Variants in SIPA1L2 observed in about 807,000 individuals in gnomAD.
The protein encoded by SIPA1L2 is signal induced proliferation associated 1 like 2.
In SIPA1L2, 56 loss-of-function variants were observed where a neutral mutation model predicts 163.9. That is an observed-to-expected ratio of 0.34 (90% CI 0.28 to 0.43). SIPA1L2 has a LOEUF of 0.43. Among genes scored for constraint, SIPA1L2 ranks in the 20% least tolerant of loss-of-function variants. The probability of loss-of-function intolerance (pLI) is 1.00; values close to 1 mark genes in which losing one functional copy is unlikely to be tolerated. For synonymous variants in SIPA1L2, 877 were observed against 865.7 expected, an observed-to-expected ratio of 1.01 and a Z score of -0.23; for missense variants, 1,974 against 2,193.5, an observed-to-expected ratio of 0.90 and a Z score of 2.00.
At chr1:232,482,343 A>G (rs971968126) in intron 6 of SIPA1L2, among the ~76,000 whole-genome samples, 1 of 152,194 alleles carries the variant, frequency 6.6e-6, no homozygotes, top group Non-Finnish European at 1.5e-5. Context: ...CACAGTAATA[A>G]GAGTTCACAT....
chr1:232,422,522 T>G (rs566622439), intron 18 of SIPA1L2, among the ~76,000 whole-genome samples: 2 of 152,328 alleles, frequency 1.3e-5, no homozygotes, highest in African/African-American at 4.8e-5. Flanking sequence ...TACTGGTGCT[T>G]TGCCCTGCTA....
chr1:232,623,325 A>G (rs6424240), intron 1 of SIPA1L2, among the ~76,000 whole-genome samples: 101,654 of 151,574 alleles, frequency 0.67, 34,615 homozygotes, highest in East Asian at 0.89. Context: ...CTGAGTTCAG[A>G]ACAGGCACAG....
chr1:232,409,942 A>T (rs1395744631), intron 19 of SIPA1L2, among the ~76,000 whole-genome samples: 3 of 152,078 alleles, frequency 2.0e-5, no homozygotes, highest in African/African-American at 7.2e-5. Context: ...ACTTATAAAA[A>T]TATATTTCAA....
chr1:232,479,321 G>A (rs773603860), intron 7 of SIPA1L2, among the ~76,000 whole-genome samples: 8 of 152,138 alleles, frequency 5.3e-5, no homozygotes, highest in Admixed American at 2.6e-4. Flanking sequence ...CCGAAGTCAG[G>A]TCAACACGGT....
intron 10 of SIPA1L2, among the ~76,000 whole-genome samples, chr1:232,456,182 C>A (rs1164994238): frequency 6.6e-6 from 1 of 152,094 alleles, no homozygotes; most frequent in South Asian, 2.1e-4. Context: ...AAAAAGAAGG[C>A]TCACTTGAGT....
At chr1:232,583,987 T>C (rs1402873821) in intron 1 of SIPA1L2, among the ~76,000 whole-genome samples, 1 of 152,180 alleles carries the variant, frequency 6.6e-6, no homozygotes, top group African/African-American at 2.4e-5. Flanking sequence ...TGCCCAAAGC[T>C]AGCTATAAAA....
At chr1:232,599,379 C>T (rs1173302435) in intron 1 of SIPA1L2, among the ~76,000 whole-genome samples, 1 of 152,264 alleles carries the variant, frequency 6.6e-6, no homozygotes, top group Non-Finnish European at 1.5e-5. Context: ...CTCAGCAAGG[C>T]ATCCAGGACA....
intron 10 of SIPA1L2, among the ~76,000 whole-genome samples, chr1:232,459,363 G>C (rs868323729): frequency 5.9e-5 from 9 of 152,258 alleles, no homozygotes; most frequent in African/African-American, 1.7e-4. Flanking sequence ...GAGAGTGCTG[G>C]CTTAAAGGAG....
intron 2 of SIPA1L2, among the ~76,000 whole-genome samples, chr1:232,538,700 A>G (rs1657460356): frequency 7.0e-6 from 1 of 143,434 alleles, no homozygotes; most frequent in Non-Finnish European, 1.5e-5. Context: ...CTCCCCCACT[A>G]TACACACATG....
chr1:232,554,336 A>C (rs1658574106), intron 2 of SIPA1L2, among the ~76,000 whole-genome samples: 1 of 152,222 alleles, frequency 6.6e-6, no homozygotes, highest in Admixed American at 6.5e-5. Context: ...GACACAATAC[A>C]AAGAAGAAGG....
intron 1 of SIPA1L2, among the ~76,000 whole-genome samples, chr1:232,616,819 T>C (rs993193063): frequency 6.6e-6 from 1 of 152,244 alleles, no homozygotes; most frequent in African/African-American, 2.4e-5. Context: ...CTTTCATTTA[T>C]GTTTGGAGAG....
At chr1:232,551,166 G>C (rs1171723231) in intron 2 of SIPA1L2, among the ~76,000 whole-genome samples, 6 of 152,206 alleles carry the variant, frequency 3.9e-5, no homozygotes, top group Admixed American at 1.3e-4. Flanking sequence ...GATTAGATGA[G>C]ATAGCAGAAT....
rs1663045266 is a variant in SIPA1L2 at position 232,625,841 on chromosome 1, G to A, written c.-319+4028C>T. Among the ~76,000 whole-genome samples the A allele has an allele frequency of 2.0e-5, 3 of 152,266 alleles. No homozygotes were observed. In the South Asian group the frequency reaches 6.2e-4, roughly 32 times the overall value. ...CACCACCCGTTACTTGCAATGTTCA[G>A]GTATTACCGGAAGACCACTTACAGA... On this transcript the variant is annotated intron_variant, in intron 1 of 22. Transcript: ENST00000674635.
chr1:232,556,631 T>A (rs1658719519), intron 2 of SIPA1L2, among the ~76,000 whole-genome samples: 1 of 151,852 alleles, frequency 6.6e-6, no homozygotes, highest in Non-Finnish European at 1.5e-5. Context: ...CCAAAAGAAA[T>A]TATGTGTCTT....
chr1:232,619,396 C>T (rs980571787), intron 1 of SIPA1L2, among the ~76,000 whole-genome samples: 9 of 152,214 alleles, frequency 5.9e-5, no homozygotes, highest in African/African-American at 2.2e-4. Flanking sequence ...GACACATAGC[C>T]ATCAACTCTG....
At chr1:232,602,684 G>A (rs1451623971) in intron 1 of SIPA1L2, among the ~76,000 whole-genome samples, 3 of 152,120 alleles carry the variant, frequency 2.0e-5, no homozygotes, top group South Asian at 2.1e-4. Context: ...CTGTTTCCAC[G>A]CAGAAAATGC....
intron 19 of SIPA1L2, 136 bp downstream of exon 19, chr1:232,415,358 T>C: frequency 2.7e-6 from 3 of 1,100,640 alleles, no homozygotes; most frequent in Non-Finnish European, 3.7e-6. Flanking sequence ...CTTGTTTTCA[T>C]CATCCAACAA....
intron 3 of SIPA1L2, among the ~76,000 whole-genome samples, chr1:232,495,355 A>C (rs1171410591): frequency 1.3e-5 from 2 of 152,084 alleles, no homozygotes; most frequent in African/African-American, 4.8e-5. Flanking sequence ...CGAGGTTAGG[A>C]GATCGAGACC....
intron 19 of SIPA1L2, among the ~76,000 whole-genome samples, chr1:232,408,126 A>G (rs1660746118): frequency 6.6e-6 from 1 of 152,204 alleles, no homozygotes; most frequent in African/African-American, 2.4e-5. Flanking sequence ...GAATTCTGAC[A>G]TGTAAGAAGG....
Sources: allele counts gnomAD v4.1 joint callset (sites outside exome capture counted in the v4.1 genomes callset), GRCh38; gene constraint gnomAD v4.1.1; transcripts MANE v1.5; gene names NCBI Gene and HGNC (gene_info 2026-07-23, HGNC 2026-07-21).